MAGI2: variants seen among roughly 807,000 people sequenced by gnomAD.
MAGI2 encodes the protein membrane-associated guanylate kinase, WW and PDZ domain-containing protein 2.
MAGI2 carries 35 observed loss-of-function variants against 133.3 expected under a neutral mutation model. The observed-to-expected ratio is 0.26, with a 90% CI of 0.20 to 0.35. The LOEUF is 0.35. Ranked by LOEUF, MAGI2 falls within the 10% of genes least tolerant of loss-of-function variation. The probability of loss-of-function intolerance (pLI) is 1.00; values close to 1 mark genes in which losing one functional copy is unlikely to be tolerated. For synonymous variants in MAGI2, 729 were observed against 710.6 expected, an observed-to-expected ratio of 1.03 and a Z score of -0.41; for missense variants, 1,636 against 1,863.4, an observed-to-expected ratio of 0.88 and a Z score of 2.25.
intron 1 of MAGI2, among the ~76,000 whole-genome samples, chr7:79,068,520 T>C (rs545915038): frequency 3.0e-4 from 46 of 152,276 alleles, no homozygotes; most frequent in Middle Eastern, 6.8e-3. Flanking sequence ...TCTATTTTGT[T>C]GATCTTTTCA....
chr7:79,284,902 C>T lies in MAGI2; in HGVS notation c.301+168118G>A, dbSNP rs544310228. 8.5e-5 allele frequency among the ~76,000 whole-genome samples: 13 copies of T among 152,082 alleles called. No homozygotes were observed. In the South Asian group the frequency reaches 2.7e-3, roughly 32 times the overall value. On this transcript the variant is annotated intron_variant, in intron 1 of 21. Coordinates refer to ENST00000354212, the MANE Select transcript of MAGI2 (RefSeq NM_012301.4). ...ATCTGCACTTCGGTCCTTAATCCTC[C>T]TAGAGGATTCTAATATACATCTGTA...
chr7:79,103,930 T>C (rs1169216219), intron 1 of MAGI2, among the ~76,000 whole-genome samples: 1 of 152,104 alleles, frequency 6.6e-6, no homozygotes, highest in Non-Finnish European at 1.5e-5. Flanking sequence ...CTCGATCTCC[T>C]GACCTCATGA....
intron 1 of MAGI2, among the ~76,000 whole-genome samples, chr7:79,046,361 C>T (rs898807430): frequency 6.6e-6 from 1 of 152,288 alleles, no homozygotes; most frequent in East Asian, 1.9e-4. Context: ...CAGCTATCTA[C>T]AACAAGCCAA....
intron 3 of MAGI2, among the ~76,000 whole-genome samples, chr7:78,535,406 C>G (rs1797802770): frequency 6.6e-6 from 1 of 152,138 alleles, no homozygotes; most frequent in African/African-American, 2.4e-5. Flanking sequence ...AAACAGATGT[C>G]AGGCTGCAGG....
intron 2 of MAGI2, among the ~76,000 whole-genome samples, chr7:78,879,024 T>C (rs1169079707): frequency 6.6e-6 from 1 of 152,186 alleles, no homozygotes; most frequent in Non-Finnish European, 1.5e-5. Context: ...AGGCAGATCT[T>C]CAGGCATTTG....
intron 5 of MAGI2, 109 bp from the exon 6 acceptor site, chr7:78,489,949 T>A: frequency 1.3e-6 from 1 of 741,768 alleles, no homozygotes. Context: ...ATCGATACAC[T>A]TAATTTGCTT....
rs558825075 is a variant in MAGI2 at position 78,096,652 on chromosome 7, A to G, written c.3568-17567T>C. ...TGCTTGTTTTTTTAAGTAACATTTT[A>G]TTGGAACACAGCCATGTTTATTTAT... is the stretch of plus-strand genomic sequence containing the variant. On this transcript the variant is annotated intron_variant, in intron 20 of 21. Coordinates refer to ENST00000354212, the MANE Select transcript of MAGI2 (RefSeq NM_012301.4). Among the ~76,000 whole-genome samples the G allele has an allele frequency of 2.6e-5, 4 of 152,274 alleles. No homozygotes were observed. The East Asian group carries it at 7.7e-4, about 29-fold the overall frequency.
At chr7:78,245,567 C>T (rs1156752299) in intron 10 of MAGI2, among the ~76,000 whole-genome samples, 1 of 152,122 alleles carries the variant, frequency 6.6e-6, no homozygotes, top group African/African-American at 2.4e-5. Flanking sequence ...CCCTGTAGAG[C>T]ACAGAAATCT....
At chr7:78,731,735 G>A (rs1821383193) in intron 2 of MAGI2, among the ~76,000 whole-genome samples, 1 of 152,052 alleles carries the variant, frequency 6.6e-6, no homozygotes, top group Non-Finnish European at 1.5e-5. Context: ...ATGAGTGGGG[G>A]ACCATGACAT....
chr7:78,950,823 T>G (rs1415718845), intron 2 of MAGI2, among the ~76,000 whole-genome samples: 1 of 152,150 alleles, frequency 6.6e-6, no homozygotes, highest in Non-Finnish European at 1.5e-5. Context: ...AGGGAAAACT[T>G]TTTATTAAAA....
chr7:78,777,214 A>T (rs1439598881), intron 2 of MAGI2, among the ~76,000 whole-genome samples: 1 of 152,218 alleles, frequency 6.6e-6, no homozygotes, highest in Non-Finnish European at 1.5e-5. Flanking sequence ...TCTAGTCTTA[A>T]CTAACCAGCC....
intron 6 of MAGI2, among the ~76,000 whole-genome samples, chr7:78,373,591 T>C (rs1347842064): frequency 6.6e-6 from 1 of 152,108 alleles, no homozygotes; most frequent in East Asian, 1.9e-4. Flanking sequence ...TTTAAAAACC[T>C]TTTCTTTCCA....
At chr7:79,041,022 C>T (rs772999137) in intron 1 of MAGI2, among the ~76,000 whole-genome samples, 40 of 152,158 alleles carry the variant, frequency 2.6e-4, no homozygotes, top group African/African-American at 7.0e-4. Context: ...AAATTTTTGA[C>T]GTGATGTATA....
At chr7:78,731,674 G>T (rs1398650785) in intron 2 of MAGI2, among the ~76,000 whole-genome samples, 1 of 152,116 alleles carries the variant, frequency 6.6e-6, no homozygotes, top group African/African-American at 2.4e-5. Context: ...CAGAAATAAT[G>T]AAATACAAAA....
intron 2 of MAGI2, among the ~76,000 whole-genome samples, chr7:78,654,827 T>G (rs1265239279): frequency 6.6e-6 from 1 of 150,932 alleles, no homozygotes; most frequent in Admixed American, 6.6e-5. Context: ...GCTCTACTGC[T>G]CTCTTGTTCT....
At chr7:78,639,855 G>T (rs981829597) in intron 2 of MAGI2, among the ~76,000 whole-genome samples, 2 of 152,074 alleles carry the variant, frequency 1.3e-5, no homozygotes, top group Non-Finnish European at 2.9e-5. Flanking sequence ...TAGGAAAAAA[G>T]AGAAAAGTGA....
intron 19 of MAGI2, among the ~76,000 whole-genome samples, chr7:78,126,231 A>G (rs1202674686): frequency 1.9e-5 from 2 of 103,472 alleles, no homozygotes; most frequent in African/African-American, 7.8e-5. Context: ...TGTACAAATT[A>G]CAGAGTTTGC....
intron 7 of MAGI2, chr7:78,359,263 C>T (rs1387886692): frequency 6.6e-6 from 1 of 152,146 alleles, no homozygotes; most frequent in African/African-American, 2.4e-5. Flanking sequence ...TTAACTCCCA[C>T]CTTCTCGTGC....
At chr7:79,409,390 G>A (rs1344293588) in intron 1 of MAGI2, among the ~76,000 whole-genome samples, 2 of 151,908 alleles carry the variant, frequency 1.3e-5, no homozygotes, top group Admixed American at 6.6e-5. Flanking sequence ...CTCTCGAGTA[G>A]CTGCGATTAC....
Sources: allele counts gnomAD v4.1 joint callset (sites outside exome capture counted in the v4.1 genomes callset), GRCh38; gene constraint gnomAD v4.1.1; transcripts MANE v1.5; gene names NCBI Gene and HGNC (gene_info 2026-07-23, HGNC 2026-07-21).